Variants in VRK2 observed in about 807,000 individuals in gnomAD.
VRK2 encodes the protein serine/threonine-protein kinase VRK2.
Under a neutral mutation model 57.6 loss-of-function variants are expected in VRK2, and 60 were observed. The ratio of observed to expected loss-of-function variants is 1.04; its 90% CI spans 0.85 to 1.29. VRK2 has a LOEUF of 1.29. VRK2 is among the 50% of genes most tolerant of loss of function. The probability of loss-of-function intolerance (pLI) is 0.00; values close to 1 mark genes in which losing one functional copy is unlikely to be tolerated. For synonymous variants in VRK2, 231 were observed against 199.2 expected (o/e 1.16, Z -1.35); for missense variants, 705 against 588.1 (o/e 1.20, Z -2.06).
At chr2:57,942,513 T>C (rs1339304848) in intron 1 of VRK2, among the ~76,000 whole-genome samples, 1 of 152,180 alleles carries the variant, frequency 6.6e-6, no homozygotes, top group East Asian at 1.9e-4. Context: ...GTAAACTTTA[T>C]GTTTTACTAA....
At position 58,068,834 on chromosome 2, in the gene VRK2, AAC is replaced by A. The variant is rs1668992348; in HGVS notation, c.137-15254_137-15253del. On this transcript the variant is annotated intron_variant, in intron 2 of 12. Transcript: ENST00000340157. The stretch of plus-strand genomic sequence containing the variant: ...AGGAAAAAAAAAAAAAAAAAACAAA[AAC>A]TCGGTTATGTATCTTTTAGTTTCAA... Among the ~76,000 whole-genome samples the A allele has an allele frequency of 2.7e-5, 4 of 150,238 alleles. No homozygotes were observed. The South Asian group carries it at 8.4e-4, about 31-fold the overall frequency.
intron 3 of VRK2, among the ~76,000 whole-genome samples, chr2:58,040,436 A>C (rs1674410906): frequency 6.6e-6 from 1 of 152,218 alleles, no homozygotes; most frequent in African/African-American, 2.4e-5. Context: ...TCCCAACTGC[A>C]TGCTTAGGTC....
intron 2 of VRK2, among the ~76,000 whole-genome samples, chr2:58,078,304 TCATTTATGTTGTAG>T (rs1460221015): frequency 6.6e-6 from 1 of 152,090 alleles, no homozygotes; most frequent in East Asian, 1.9e-4. Context: ...TCCTCAAGGT[TCATTTATGTTGTAG>T]CATGTGACAT....
At chr2:58,017,511 GC>G (rs1307625355) in intron 1 of VRK2, among the ~76,000 whole-genome samples, 11 of 152,148 alleles carry the variant, frequency 7.2e-5, no homozygotes. Context: ...CTCCGCTGGG[GC>G]CTCTTCATGG....
intron 2 of VRK2, among the ~76,000 whole-genome samples, chr2:58,072,443 A>G (rs971727136): frequency 5.9e-5 from 9 of 151,938 alleles, no homozygotes; most frequent in African/African-American, 7.2e-5. Context: ...GAAAGTTTCT[A>G]TCTATTTCTA....
chr2:58,157,033 A>G (rs1683989662), intron 12 of VRK2, among the ~76,000 whole-genome samples: 2 of 152,174 alleles, frequency 1.3e-5, no homozygotes, highest in Non-Finnish European at 2.9e-5. Context: ...TGATCATTTT[A>G]TAAGTTCTGT....
intron 1 of VRK2, among the ~76,000 whole-genome samples, chr2:58,002,200 G>C (rs1229030270): frequency 6.6e-6 from 1 of 152,188 alleles, no homozygotes; most frequent in Non-Finnish European, 1.5e-5. Context: ...AAAAGTAAAG[G>C]CTGGGCGTGG....
chr2:58,159,234 C>G (rs570786939), intron 12 of VRK2, 115 bp from the exon 13 acceptor site: 8 of 758,060 alleles, frequency 1.1e-5, no homozygotes, highest in Non-Finnish European at 1.6e-5. Flanking sequence ...AAAAATAACA[C>G]GCAAAAACTT....
intron 2 of VRK2, among the ~76,000 whole-genome samples, chr2:58,054,509 A>T (rs1418104367): frequency 3.3e-5 from 5 of 151,960 alleles, no homozygotes; most frequent in Non-Finnish European, 7.4e-5. Flanking sequence ...TGGCTTCCTT[A>T]TGAAATATGG....
At chr2:57,999,398 T>G (rs1219521890) in intron 1 of VRK2, among the ~76,000 whole-genome samples, 1 of 152,176 alleles carries the variant, frequency 6.6e-6, no homozygotes, top group East Asian at 1.9e-4. Context: ...TTTCTACATG[T>G]ATGCACGTAA....
rs557225273 is a variant in VRK2, at chr2:58,100,764, A to G, written c.543+11041A>G. Among the ~76,000 whole-genome samples the G allele has an allele frequency of 4.0e-5, 6 of 151,848 alleles. No homozygotes were observed. In the South Asian group the frequency reaches 1.0e-3, roughly 26 times the overall value. On this transcript the variant is annotated intron_variant, in intron 7 of 12. Coordinates refer to ENST00000340157, the MANE Select transcript of VRK2 (RefSeq NM_006296.7). ...TCTAGATTTTGTGGATCAGTTCTAT[A>G]AACTGTTTTAAGGTTCTCTCAGTAT...
At chr2:58,067,401 C>CTAA (rs1437032896) in intron 2 of VRK2, among the ~76,000 whole-genome samples, 3 of 152,132 alleles carry the variant, frequency 2.0e-5, no homozygotes, top group African/African-American at 7.2e-5. Context: ...AGAACCCTGA[C>CTAA]TAATACAGTT....
At chr2:58,030,123 T>G (rs1183737822) in intron 2 of VRK2, among the ~76,000 whole-genome samples, 2 of 152,092 alleles carry the variant, frequency 1.3e-5, no homozygotes, top group Non-Finnish European at 2.9e-5. Flanking sequence ...CGTTGCTGTA[T>G]TTTAGATTGT....
At chr2:58,103,222 C>T (rs1485472719) in intron 7 of VRK2, among the ~76,000 whole-genome samples, 8 of 150,662 alleles carry the variant, frequency 5.3e-5, no homozygotes, top group Non-Finnish European at 1.0e-4. Flanking sequence ...AAATAAATAG[C>T]AAAGATCAGA....
At chr2:57,981,699 C>CATAATCCCAT (rs1207322584) in intron 1 of VRK2, among the ~76,000 whole-genome samples, 1 of 152,216 alleles carries the variant, frequency 6.6e-6, no homozygotes, top group Non-Finnish European at 1.5e-5. Flanking sequence ...GGTTTCTTTA[C>CATAATCCCAT]ATAATCCCAT....
chr2:58,146,546 C>T, intron 12 of VRK2, 72 bp downstream of exon 12: 1 of 1,505,822 alleles, frequency 6.6e-7, no homozygotes. Flanking sequence ...GGAATAAAAA[C>T]ATCTTATTTT....
intron 8 of VRK2, among the ~76,000 whole-genome samples, chr2:58,130,163 A>T (rs1179958977): frequency 6.6e-6 from 1 of 152,114 alleles, no homozygotes. Flanking sequence ...TTTAATTCTG[A>T]TTATTTTTCC....
At chr2:58,089,753 G>T (rs1213290110) in intron 7 of VRK2, 30 bp downstream of exon 7, 1 of 1,471,608 alleles carries the variant, frequency 6.8e-7, no homozygotes, top group South Asian at 1.2e-5. Context: ...TTTAATAAAG[G>T]TCTTTAATGT....
At chr2:57,952,338 T>C (rs1671452697) in intron 1 of VRK2, among the ~76,000 whole-genome samples, 1 of 152,164 alleles carries the variant, frequency 6.6e-6, no homozygotes, top group African/African-American at 2.4e-5. Flanking sequence ...GGAAATGCAA[T>C]GTCTTCTCCT....
Sources: allele counts gnomAD v4.1 joint callset (sites outside exome capture counted in the v4.1 genomes callset), GRCh38; gene constraint gnomAD v4.1.1; transcripts MANE v1.5; gene names NCBI Gene and HGNC (gene_info 2026-07-23, HGNC 2026-07-21).